Variants in USP24 observed in about 807,000 individuals in gnomAD.
USP24 encodes ubiquitin specific peptidase 24.
In USP24, 97 loss-of-function variants were observed where a neutral mutation model predicts 361.6. The ratio of observed to expected loss-of-function variants is 0.27; its 90% CI spans 0.23 to 0.32. The LOEUF is 0.32. USP24 is among the 10% of genes least tolerant of loss of function. USP24 has a pLI of 1.00. For synonymous variants in USP24, 1,098 were observed against 1,124.6 expected, an observed-to-expected ratio of 0.98 and a Z score of 0.47; for missense variants, 2,353 against 3,165.6, an observed-to-expected ratio of 0.74 and a Z score of 6.16.
chr1:55,130,871 AG>A (rs1646571890), intron 31 of USP24, among the ~76,000 whole-genome samples: 1 of 152,184 alleles, frequency 6.6e-6, no homozygotes, highest in South Asian at 2.1e-4. Flanking sequence ...GCAAAATAAA[AG>A]CTTTTGGGAG....
chr1:55,095,235 T>C lies in USP24; in HGVS notation c.6203+20A>G, dbSNP rs762616713. On this transcript the variant is annotated intron_variant, in intron 51 of 67. Coordinates refer to ENST00000294383, the MANE Select transcript of USP24 (RefSeq NM_015306.3). ...TCACCATAGAAATCACACAGCAAAT[T>C]ACATGGAAGAGACACTTACAGAGAG... 6.2e-7 allele frequency: 1 copy of C among 1,610,948 alleles called. No homozygotes were observed. The highest frequency in any genetic ancestry group is 1.7e-4 in the Middle Eastern group (1 of 6,048).
At chr1:55,110,139 T>A (rs772890778) in intron 39 of USP24, 46 bp downstream of exon 39, 14 of 1,444,336 alleles carry the variant, frequency 9.7e-6, no homozygotes, top group Middle Eastern at 1.8e-4. Context: ...CTTTCTCTTC[T>A]ACTCTTCCCC....
chr1:55,209,197 T>A (rs965259014), intron 1 of USP24, among the ~76,000 whole-genome samples: 1 of 152,236 alleles, frequency 6.6e-6, no homozygotes, highest in Non-Finnish European at 1.5e-5. Context: ...GTATCATGAC[T>A]GAAATGTCCT....
intron 39 of USP24, among the ~76,000 whole-genome samples, chr1:55,107,770 A>AGGC (rs1645819719): frequency 6.9e-6 from 1 of 145,236 alleles, no homozygotes; most frequent in Non-Finnish European, 1.5e-5. Context: ...TGAACCCAGG[A>AGGC]AGCAGAGGTT....
chr1:55,189,223 T>C (rs1483504971), intron 1 of USP24, among the ~76,000 whole-genome samples: 2 of 152,196 alleles, frequency 1.3e-5, no homozygotes, highest in African/African-American at 2.4e-5. Context: ...GGCAGCATTG[T>C]TGCTAACAAC....
chr1:55,171,579 A>C lies in USP24; in HGVS notation c.802T>G (p.Ser268Ala). The C allele has an allele frequency of 1.2e-6, 2 of 1,611,396 alleles. No individual in the cohort carries two copies. Among genetic ancestry groups the C allele is most frequent in the Non-Finnish European group, 1.7e-6 (2 of 1,178,676 alleles). Reference sequence around the variant, plus strand: ...ACCTTTTGGAAAGTCGATACAGGTGAAACAGCAAACATATTTCCCTCTCCA... The same window carrying C: ...ACCTTTTGGAAAGTCGATACAGGTGCAACAGCAAACATATTTCCCTCTCCA... ...VFGEGNMFAV[S>A]PVSTFQKEPH... The change falls in exon 5 of 68, where the codon TCA becomes GCA. Residue 268 changes from serine (S) to alanine (A), a missense_variant. Ser to Ala is a moderately conservative substitution (Grantham distance 99, BLOSUM62 1). Coordinates refer to ENST00000294383, the MANE Select transcript of USP24 (RefSeq NM_015306.3).
rs1432093632 is a variant in USP24, at chr1:55,077,264, T to C, written c.7351A>G (p.Asn2451Asp). The change falls in exon 62 of 68, where the codon AAT becomes GAT. Residue 2451 changes from asparagine to aspartate, a missense_variant. Asn to Asp is a conservative substitution (Grantham distance 23, BLOSUM62 1). Around this residue, in one of 8 missense-constraint regions of USP24, gnomAD observed 598 missense variants for 761.9 expected, o/e 0.78. Coordinates refer to ENST00000294383, the MANE Select transcript of USP24 (RefSeq NM_015306.3). ...LETAPPHELK[N>D]TFQLLHEILV... The stretch of plus-strand genomic sequence containing the variant: ...ATTTCATGAAGTAGTTGGAACGTAT[T>C]CTTTAACTCATGAGGTGGAGCCGTT... The C allele has an allele frequency of 8.9e-6, 14 of 1,566,414 alleles. No individual in the cohort carries two copies. Among genetic ancestry groups the C allele is most frequent in the Non-Finnish European group, 1.1e-5 (13 of 1,151,670 alleles).
intron 30 of USP24, among the ~76,000 whole-genome samples, chr1:55,133,858 C>T (rs1398237508): frequency 6.6e-6 from 1 of 152,122 alleles, no homozygotes; most frequent in Admixed American, 6.5e-5. Context: ...GTCTTGAACT[C>T]TGGGGCTCAA....
rs369686085 is a variant in USP24, at chr1:55,086,078, A to G, written c.6669-40T>C. The stretch of plus-strand genomic sequence containing the variant: ...AAGGTGGTGTGAAAAAGCAAGATAC[A>G]TTTCCACAACCTCAACCTTCCCATG... On this transcript the variant is annotated intron_variant, in intron 55 of 67. Coordinates refer to ENST00000294383, the MANE Select transcript of USP24 (RefSeq NM_015306.3). 2.5e-6 allele frequency: 4 copies of G among 1,587,556 alleles called. No individual in the cohort carries two copies. In the African/African-American group the frequency reaches 5.4e-5, roughly 21 times the overall value.
At chr1:55,107,457 C>T (rs1271796556) in intron 39 of USP24, 27 bp from the exon 40 acceptor site, 3 of 1,531,966 alleles carry the variant, frequency 2.0e-6, no homozygotes, top group Non-Finnish European at 2.6e-6. Flanking sequence ...AAATCCATTA[C>T]AAAGAAAGAA....
Position 55,097,028 on chromosome 1 carries a change from A to G in USP24, c.5860T>C (p.Tyr1954His). The change falls in exon 49 of 68, where the codon TAT becomes CAT. Residue 1954 changes from tyrosine (Y) to histidine (H), a missense_variant. Physicochemically the swap from Tyr to His is moderately conservative, Grantham distance 83. This residue lies in a region of USP24 where 598 missense variants were observed against 761.9 expected (regional missense o/e 0.78). Transcript: ENST00000294383. ...PRKKVALTEN[Y>H]ELVGVIVHSG... is the part of the protein sequence containing the mutation. ...TGTACGATGACACCGACAAGTTCAT[A>G]GTTTTCTGTGAGGGCAACCTTTTTT... 1.2e-6 allele frequency: 2 copies of G among 1,613,910 alleles called. No individual in the cohort carries two copies. Among genetic ancestry groups the G allele is most frequent in the Non-Finnish European group, 1.7e-6 (2 of 1,179,880 alleles).
intron 55 of USP24, among the ~76,000 whole-genome samples, chr1:55,088,144 T>C (rs949497018): frequency 6.6e-6 from 1 of 152,188 alleles, no homozygotes; most frequent in African/African-American, 2.4e-5. Context: ...GTGATCTAAT[T>C]TGTTTGAAAA....
At chr1:55,165,971 C>A (rs373962150) in intron 6 of USP24, 21 bp from the exon 7 acceptor site, 3 of 1,594,696 alleles carry the variant, frequency 1.9e-6, no homozygotes, top group Non-Finnish European at 2.6e-6. Context: ...AAAAGGCACA[C>A]ATTAAGTTAT....
Position 55,178,043 on chromosome 1 carries a change from A to T in USP24, c.414T>A (p.Asp138Glu). ...CTCGCTTGTAAGGGATGGACCAATG[A>T]TCAGTCAAAACACGGCTTTCCAGTT... ...LYELESRVLT[D>E]HWSIPYKREE... The change falls in exon 2 of 68, where the codon GAT becomes GAA. Residue 138 changes from aspartate (D) to glutamate (E), a missense_variant. Asp to Glu is a conservative substitution (Grantham distance 45). Around this residue, in one of 8 missense-constraint regions of USP24, gnomAD observed 253 missense variants for 255.3 expected, o/e 0.99. Transcript: ENST00000294383. The T allele has an allele frequency of 6.4e-7, 1 of 1,551,660 alleles. No homozygotes were observed. Among genetic ancestry groups the T allele is most frequent in the African/African-American group, 1.4e-5 (1 of 73,174 alleles).
chr1:55,091,951 A>G (rs1645386744), intron 54 of USP24, 72 bp downstream of exon 54: 2 of 1,144,882 alleles, frequency 1.7e-6, no homozygotes, highest in Admixed American at 2.3e-5. Flanking sequence ...TATTTTAATT[A>G]TAAATTCAAC....
chr1:55,156,827 G>T, intron 12 of USP24, 121 bp downstream of exon 12: 1 of 656,648 alleles, frequency 1.5e-6, no homozygotes. Context: ...AGTGGGTTAG[G>T]TACAGCTGCT....
intron 1 of USP24, among the ~76,000 whole-genome samples, chr1:55,212,352 A>G (rs1362524204): frequency 6.6e-6 from 1 of 152,174 alleles, no homozygotes; most frequent in Admixed American, 6.5e-5. Context: ...TCCTAAAACC[A>G]TGAGTTGAGC....
chr1:55,120,137 G>C (rs777260333), intron 38 of USP24, among the ~76,000 whole-genome samples: 15 of 152,148 alleles, frequency 9.9e-5, no homozygotes, highest in Non-Finnish European at 2.2e-4. Context: ...AGGCAGAATA[G>C]TCATCTCATG....
In USP24 at chr1:55,157,333, G is replaced by A; in HGVS notation, c.1265C>T (p.Ser422Phe). ...GTCTGTATCTATAGCATTCTTCACA[G>A]ATTTGGATAAAGTGCTATCTTCTAT... Reference protein sequence around the residue: ...KLIEDSTLSKSVKNAIDTDRL... With the variant: ...KLIEDSTLSKFVKNAIDTDRL... Residue 422 changes from serine (S) to phenylalanine (F), a missense_variant, in exon 11 of 68, where the codon TCT (serine) becomes TTT (phenylalanine). By Grantham distance (155) the Ser-to-Phe change is radical. Coordinates refer to ENST00000294383, the MANE Select transcript of USP24 (RefSeq NM_015306.3). The A allele has an allele frequency of 6.3e-7, 1 of 1,599,604 alleles. No homozygotes were observed. The highest frequency in any genetic ancestry group is 2.3e-5 in the East Asian group (1 of 44,396).
Sources: allele counts gnomAD v4.1 joint callset (sites outside exome capture counted in the v4.1 genomes callset), GRCh38; gene constraint gnomAD v4.1.1; regional missense constraint gnomAD v4.1.1; transcripts MANE v1.5; gene names NCBI Gene and HGNC (gene_info 2026-07-23, HGNC 2026-07-21).